UNC5D: variants seen among roughly 807,000 people sequenced by gnomAD.
The protein encoded by UNC5D is netrin receptor UNC5D.
Under a neutral mutation model 105.4 loss-of-function variants are expected in UNC5D, and 39 were observed. The ratio of observed to expected loss-of-function variants is 0.37; its 90% CI spans 0.29 to 0.48. The LOEUF is 0.48. UNC5D is among the 20% of genes least tolerant of loss of function. The pLI is 0.98. For synonymous variants in UNC5D, 452 were observed against 450.4 expected (o/e 1.00, Z -0.04); for missense variants, 991 against 1,202.4 (o/e 0.82, Z 2.60).
At chr8:35,383,934 A>G (rs1451404038) in intron 1 of UNC5D, among the ~76,000 whole-genome samples, 2 of 151,988 alleles carry the variant, frequency 1.3e-5, no homozygotes, top group African/African-American at 4.8e-5. Flanking sequence ...TAAAAATAAG[A>G]GGCTGGGCGC....
chr8:35,734,972 C>A (rs1347126284), intron 11 of UNC5D, among the ~76,000 whole-genome samples: 1 of 151,604 alleles, frequency 6.6e-6, no homozygotes, highest in Admixed American at 6.6e-5. Context: ...TTAGTAGAGA[C>A]AGGGCATATT....
intron 1 of UNC5D, among the ~76,000 whole-genome samples, chr8:35,412,296 C>A (rs1371295064): frequency 2.6e-5 from 4 of 151,980 alleles, no homozygotes; most frequent in African/African-American, 9.7e-5. Flanking sequence ...AGAAAATGTT[C>A]TTCTTAGATT....
At chr8:35,630,981 G>C (rs911916539) in intron 4 of UNC5D, among the ~76,000 whole-genome samples, 6 of 152,064 alleles carry the variant, frequency 3.9e-5, no homozygotes. Flanking sequence ...CTCCTTTGTG[G>C]AAACACAGAA....
rs1433790796 is a variant in UNC5D, at chr8:35,545,963, T to G, written c.104-3329T>G. Among the ~76,000 whole-genome samples, 3 of 152,224 alleles carry G rather than the reference T, an allele frequency of 2.0e-5. No homozygotes were observed. The East Asian group carries it at 5.8e-4, about 29-fold the overall frequency. On this transcript the variant is annotated intron_variant, in intron 1 of 16. Coordinates refer to ENST00000404895, the MANE Select transcript of UNC5D (RefSeq NM_080872.4). ...GGCTGGAGTGCCAGTGGTGTGATCT[T>G]GACTCACTGCAGCCTCTACCCCCTG...
At chr8:35,426,342 C>A (rs1263870885) in intron 1 of UNC5D, among the ~76,000 whole-genome samples, 1 of 152,046 alleles carries the variant, frequency 6.6e-6, no homozygotes, top group African/African-American at 2.4e-5. Flanking sequence ...TTGATCAGTG[C>A]AGAATCATAA....
intron 4 of UNC5D, among the ~76,000 whole-genome samples, chr8:35,648,795 T>C (rs1246988377): frequency 6.6e-6 from 1 of 152,024 alleles, no homozygotes; most frequent in Non-Finnish European, 1.5e-5. Context: ...AATGTACAAG[T>C]TGGGGTTCTG....
chr8:35,336,265 A>G (rs1811031294), intron 1 of UNC5D, among the ~76,000 whole-genome samples: 1 of 152,176 alleles, frequency 6.6e-6, no homozygotes, highest in South Asian at 2.1e-4. Flanking sequence ...CAGTTTCTTT[A>G]TTAGCTGTGT....
intron 1 of UNC5D, among the ~76,000 whole-genome samples, chr8:35,383,892 G>A (rs1488898416): frequency 6.6e-6 from 1 of 152,068 alleles, no homozygotes; most frequent in East Asian, 1.9e-4. Context: ...CAGCCTGGGT[G>A]ACATAACAAG....
At chr8:35,484,114 C>T (rs780462248) in intron 1 of UNC5D, among the ~76,000 whole-genome samples, 8 of 152,038 alleles carry the variant, frequency 5.3e-5, no homozygotes, top group Non-Finnish European at 1.2e-4. Flanking sequence ...GTGAATTAAG[C>T]GTTATTTATA....
intron 1 of UNC5D, among the ~76,000 whole-genome samples, chr8:35,336,261 C>A (rs562732455): frequency 6.6e-6 from 1 of 152,196 alleles, no homozygotes; most frequent in Admixed American, 6.5e-5. Context: ...AAACCAGTTT[C>A]TTTATTAGCT....
At chr8:35,678,003 C>T (rs10088654) in intron 4 of UNC5D, among the ~76,000 whole-genome samples, 6,082 of 151,670 alleles carry the variant, frequency 0.04, 339 homozygotes, top group African/African-American at 0.12. Flanking sequence ...TAGATAGATA[C>T]ACACACCTAG....
intron 13 of UNC5D, among the ~76,000 whole-genome samples, chr8:35,757,228 C>A (rs897569887): frequency 6.6e-6 from 1 of 152,054 alleles, no homozygotes; most frequent in Non-Finnish European, 1.5e-5. Context: ...AGTTTTAATG[C>A]ACCTTAAAAC....
intron 4 of UNC5D, among the ~76,000 whole-genome samples, chr8:35,639,462 A>G (rs1407177083): frequency 1.3e-5 from 2 of 152,204 alleles, no homozygotes; most frequent in Non-Finnish European, 2.9e-5. Flanking sequence ...AACAATGGCA[A>G]ATAGTCATAA....
At chr8:35,714,604 T>C (rs1421451581) in intron 8 of UNC5D, among the ~76,000 whole-genome samples, 1 of 152,210 alleles carries the variant, frequency 6.6e-6, no homozygotes. Flanking sequence ...CAGGTCAAAC[T>C]TCAAGAGAAT....
At chr8:35,454,274 A>G (rs1808345203) in intron 1 of UNC5D, among the ~76,000 whole-genome samples, 2 of 152,198 alleles carry the variant, frequency 1.3e-5, no homozygotes, top group South Asian at 4.1e-4. Context: ...ACATACCAGA[A>G]GAGAACCATC....
intron 1 of UNC5D, among the ~76,000 whole-genome samples, chr8:35,453,781 G>A (rs973473011): frequency 6.6e-6 from 1 of 152,104 alleles, no homozygotes; most frequent in East Asian, 1.9e-4. Context: ...AAAAGGCAGA[G>A]TAAGACATCT....
intron 1 of UNC5D, among the ~76,000 whole-genome samples, chr8:35,545,094 C>T (rs1563520309): frequency 6.6e-6 from 1 of 152,144 alleles, no homozygotes; most frequent in Non-Finnish European, 1.5e-5. Context: ...GCCATTTGTC[C>T]TACCAGAATT....
chr8:35,270,981 A>G (rs1378304226), intron 1 of UNC5D, among the ~76,000 whole-genome samples: 1 of 151,770 alleles, frequency 6.6e-6, no homozygotes, highest in Non-Finnish European at 1.5e-5. Flanking sequence ...GTCTCCTGCC[A>G]TTTCTCATCA....
intron 11 of UNC5D, among the ~76,000 whole-genome samples, chr8:35,739,192 C>T (rs1460362032): frequency 1.3e-5 from 2 of 152,102 alleles, no homozygotes; most frequent in African/African-American, 4.8e-5. Flanking sequence ...AGGGTTAATG[C>T]ACCTTTAGCT....
Sources: gnomAD v4.1 joint callset for allele counts (sites outside exome capture counted in the v4.1 genomes callset) on GRCh38, gnomAD v4.1.1 for gene constraint, MANE v1.5 for transcripts, NCBI Gene and HGNC (gene_info 2026-07-23, HGNC 2026-07-21) for gene names.